ACTN1: variants seen among roughly 807,000 people sequenced by gnomAD.
ACTN1 encodes alpha-actinin-1.
In ACTN1, 30 loss-of-function variants were observed where a neutral mutation model predicts 119.6. That is an observed-to-expected ratio of 0.25 (90% CI 0.19 to 0.34). ACTN1 has a LOEUF of 0.34. ACTN1 is among the 10% of genes least tolerant of loss of function. The pLI, the probability that ACTN1 is intolerant of heterozygous loss-of-function variation, is 1.00. For missense variants in ACTN1, 764 were observed against 1,223.4 expected, an observed-to-expected ratio of 0.62 and a Z score of 5.60; for synonymous variants, 429 against 472.6, an observed-to-expected ratio of 0.91 and a Z score of 1.20.
At chr14:68,938,512 A>T (rs1262340538) in intron 1 of ACTN1, among the ~76,000 whole-genome samples, 1 of 152,140 alleles carries the variant, frequency 6.6e-6, no homozygotes, top group Non-Finnish European at 1.5e-5. Flanking sequence ...CACAGAATGA[A>T]AGACGACCAA....
chr14:68,915,204 G>A (rs2034219570), intron 3 of ACTN1, among the ~76,000 whole-genome samples: 1 of 152,094 alleles, frequency 6.6e-6, no homozygotes, highest in Non-Finnish European at 1.5e-5. Flanking sequence ...TGGCCAGAGA[G>A]GCCCTCGTGG....
At position 68,890,328 on chromosome 14, in the gene ACTN1, C is replaced by T. The variant is rs139915394; in HGVS notation, c.1087-42G>A. 136 of 1,607,188 alleles carry T rather than the reference C, an allele frequency of 8.5e-5. No individual in the cohort carries two copies. In the African/African-American group the frequency reaches 1.6e-3, roughly 19 times the overall value. On this transcript the variant is annotated intron_variant, in intron 10 of 21. Coordinates refer to ENST00000394419, the MANE Select transcript of ACTN1 (RefSeq NM_001130004.2). ...TACAGGGTCAGGGTCTGGCTTGGGCCTAGGCTTCAGGTCCCCTAGCCCCCT... is the reference window on the plus strand; with the variant it reads ...TACAGGGTCAGGGTCTGGCTTGGGCTTAGGCTTCAGGTCCCCTAGCCCCCT...
chr14:68,950,294 CAAAAAAAAAAAAAAA>C (rs60899029), intron 1 of ACTN1, among the ~76,000 whole-genome samples: 2 of 121,540 alleles, frequency 1.6e-5, no homozygotes, highest in Non-Finnish European at 1.8e-5. Flanking sequence ...GTTGTTGTCT[CAAAAAAAAAAAAAAA>C]AAAAAAAAAA....
intron 2 of ACTN1, among the ~76,000 whole-genome samples, chr14:68,923,483 T>C (rs1403795029): frequency 2.0e-5 from 3 of 151,238 alleles, no homozygotes; most frequent in African/African-American, 4.9e-5. Flanking sequence ...TGGGGAAGGG[T>C]AGTGGAGGAG....
intron 8 of ACTN1, among the ~76,000 whole-genome samples, chr14:68,901,223 T>C (rs59921822): frequency 6.8e-6 from 1 of 147,296 alleles, no homozygotes; most frequent in Non-Finnish European, 1.5e-5. Context: ...TTTTGTTTTT[T>C]TTTTGTTTTG....
intron 8 of ACTN1, among the ~76,000 whole-genome samples, chr14:68,895,906 TG>T (rs752452857): frequency 1.3e-5 from 2 of 152,134 alleles, no homozygotes; most frequent in Non-Finnish European, 2.9e-5. Context: ...GGATGAAGTC[TG>T]GGGGAGATTC....
intron 1 of ACTN1, among the ~76,000 whole-genome samples, chr14:68,926,805 A>G (rs762337194): frequency 3.3e-5 from 5 of 152,234 alleles, no homozygotes; most frequent in Non-Finnish European, 7.4e-5. Flanking sequence ...GTGAAGTGGC[A>G]ATAAGTGGGT....
rs1417985699 is a variant in ACTN1, at chr14:68,878,833, A to G, written c.2361+156T>C. 1 of 1,594,242 alleles carries G rather than the reference A, an allele frequency of 6.3e-7. No homozygotes were observed. The highest frequency in any genetic ancestry group is 8.5e-7 in the Non-Finnish European group (1 of 1,177,522). ...GACAGCAGAGGGCAGAGGGTGGACC[A>G]GTGATGGGGCAGACAGAGACAGCAG... On this transcript the variant is annotated intron_variant, in intron 19 of 21. Transcript: ENST00000394419. This position sits in a 1 kb window ranked among gnomAD's most constrained non-coding sequence, Gnocchi z 4.4.
At chr14:68,899,133 CCA>C (rs1491588836) in intron 8 of ACTN1, among the ~76,000 whole-genome samples, 1 of 144,154 alleles carries the variant, frequency 6.9e-6, no homozygotes, top group Admixed American at 6.9e-5. Flanking sequence ...CACACCACAC[CCA>C]CACCTCACCC....
Position 68,874,784 on chromosome 14 carries a change from A to AG in ACTN1, c.*74dup. 5.0e-6 allele frequency: 7 copies of AG among 1,405,978 alleles called. No individual in the cohort carries two copies. The highest frequency in any genetic ancestry group is 5.6e-6 in the Non-Finnish European group (6 of 1,071,132). The allele number at this position is 1,405,978 out of a possible 1,614,324, so 87.1% of individuals were successfully genotyped here. A position where few individuals can be genotyped will look rare whatever the true frequency, so the allele number is the denominator to read the frequency against. On this transcript the variant is annotated 3_prime_UTR_variant, in exon 22 of 22. Coordinates refer to ENST00000394419, the MANE Select transcript of ACTN1 (RefSeq NM_001130004.2). ...GAGGCTGGGAGCTGAAACCGAACCCAGGCAGGAGATGGGCGACGGCGGAGG... is the reference window on the plus strand; with the variant it reads ...GAGGCTGGGAGCTGAAACCGAACCCAGGGCAGGAGATGGGCGACGGCGGAGG...
At chr14:68,891,796 G>C (rs1197014371) in intron 10 of ACTN1, among the ~76,000 whole-genome samples, 1 of 152,138 alleles carries the variant, frequency 6.6e-6, no homozygotes, top group Non-Finnish European at 1.5e-5. Flanking sequence ...GGGAGGTCTG[G>C]AGTAGATGCT....
chr14:68,896,351 G>A (rs1369530772), intron 8 of ACTN1, among the ~76,000 whole-genome samples: 1 of 152,074 alleles, frequency 6.6e-6, no homozygotes, highest in Admixed American at 6.5e-5. Context: ...GATGAAGGCG[G>A]CTTCATCACC....
rs576585292 is a variant in ACTN1, at chr14:68,923,962, T to C, written c.220+1596A>G. On this transcript the variant is annotated intron_variant, in intron 2 of 21. Coordinates refer to ENST00000394419, the MANE Select transcript of ACTN1 (RefSeq NM_001130004.2). ...TAAAAAGGAAAGGGATGGCGGCACA[T>C]GCTCCAACATGGATGAACCGTGAAG... 3.9e-5 allele frequency among the ~76,000 whole-genome samples: 6 copies of C among 152,270 alleles called. No homozygotes were observed. In the East Asian group the frequency reaches 7.7e-4, roughly 20 times the overall value.
intron 1 of ACTN1, among the ~76,000 whole-genome samples, chr14:68,963,956 C>G (rs2036621422): frequency 6.6e-6 from 1 of 152,174 alleles, no homozygotes; most frequent in South Asian, 2.1e-4. Flanking sequence ...ATGCAACTAG[C>G]ATGCATCATG....
chr14:68,891,446 G>T (rs1239257099), intron 10 of ACTN1, among the ~76,000 whole-genome samples: 1 of 152,130 alleles, frequency 6.6e-6, no homozygotes, highest in Non-Finnish European at 1.5e-5. Context: ...GGGGACACTT[G>T]AGTACAGAAA....
rs562115784 is a variant in ACTN1 at position 68,884,996 on chromosome 14, C to T, written c.1386-113G>A. The T allele has an allele frequency of 1.4e-4, 123 of 858,846 alleles. 2 individuals carry two copies. In the South Asian group the frequency reaches 1.6e-3, roughly 11 times the overall value. 53.2% of individuals were successfully genotyped at this position (858,846 alleles called of 1,614,324 possible). A position where few individuals can be genotyped will look rare whatever the true frequency, so the allele number is the denominator to read the frequency against. ...TGGTGGTGCTGGGAAGAGCCAGGGG[C>T]GCTCCCTTCAAGAGACCTTCCAGGC... On this transcript the variant is annotated intron_variant, in intron 12 of 21. Coordinates refer to ENST00000394419, the MANE Select transcript of ACTN1 (RefSeq NM_001130004.2).
At chr14:68,901,169 G>A (rs1410826165) in intron 8 of ACTN1, among the ~76,000 whole-genome samples, 1 of 151,796 alleles carries the variant, frequency 6.6e-6, no homozygotes, top group African/African-American at 2.4e-5. Context: ...GTGGGAGAGG[G>A]CAGGGGCTCC....
chr14:68,882,644 T>C lies in ACTN1; in HGVS notation c.1819-52A>G, dbSNP rs1454133198. ...TCAGGATGGGTCAGCCATCTGTCCATGTGCCAGATGAGGAAATGGAGGACC... is the reference window on the plus strand; with the variant it reads ...TCAGGATGGGTCAGCCATCTGTCCACGTGCCAGATGAGGAAATGGAGGACC... On this transcript the variant is annotated intron_variant, in intron 15 of 21. Transcript: ENST00000394419. The surrounding 1 kb of genome is among the most constrained non-coding windows in gnomAD (Gnocchi z 4.5). The C allele has an allele frequency of 2.5e-6, 4 of 1,606,798 alleles. No individual in the cohort carries two copies. Among genetic ancestry groups the C allele is most frequent in the Admixed American group, 1.7e-5 (1 of 59,844 alleles).
At position 68,944,647 on chromosome 14, in the gene ACTN1, T is replaced by C. The variant is rs550339644; in HGVS notation, c.106-18975A>G. Among the ~76,000 whole-genome samples, 39 of 152,244 alleles carry C rather than the reference T, an allele frequency of 2.6e-4. 1 individual carries two copies. The South Asian group carries it at 7.3e-3, about 28-fold the overall frequency. ...AAGGCATAAGGCTAAAACAGGACCC[T>C]GAACTGATCCTGGGGGGCTGTAGGG... On this transcript the variant is annotated intron_variant, in intron 1 of 21. Transcript: ENST00000394419.
Sources: gnomAD v4.1 joint callset for allele counts (sites outside exome capture counted in the v4.1 genomes callset) on GRCh38, gnomAD v4.1.1 for gene constraint, Gnocchi (gnomAD v3.1) non-coding constraint, MANE v1.5 for transcripts, NCBI Gene and HGNC (gene_info 2026-07-23, HGNC 2026-07-21) for gene names.